Variants in BACE2 observed in about 807,000 individuals in gnomAD.
BACE2 encodes the protein beta-secretase 2, also known as 56 kDa aspartic-like protease.
In BACE2, 17 loss-of-function variants were observed where a neutral mutation model predicts 46.2. The observed-to-expected ratio is 0.37, with a 90% CI of 0.25 to 0.55. The LOEUF is 0.55. BACE2 is among the 20% of genes least tolerant of loss of function. The pLI, the probability that BACE2 is intolerant of heterozygous loss-of-function variation, is 0.82. For missense variants in BACE2, 595 were observed against 698.1 expected (o/e 0.85, Z 1.66); for synonymous variants, 277 against 295.9 (o/e 0.94, Z 0.66).
chr21:41,168,724 G>C, intron 1 of BACE2, 149 bp downstream of exon 1: 2 of 496,598 alleles, frequency 4.0e-6, no homozygotes, highest in Non-Finnish European at 6.2e-6. Flanking sequence ...GCTCGGGTGG[G>C]CCGGGGAGCG....
At chr21:41,178,922 G>A in intron 1 of BACE2, 1 of 371,088 alleles carries the variant, frequency 2.7e-6, no homozygotes, top group Non-Finnish European at 4.8e-6. Flanking sequence ...AGGGGTATTG[G>A]TGAAAGAATC....
intron 1 of BACE2, among the ~76,000 whole-genome samples, chr21:41,222,398 G>A (rs1279655125): frequency 6.6e-6 from 1 of 152,228 alleles, no homozygotes; most frequent in Non-Finnish European, 1.5e-5. Context: ...AAGCCTGGAA[G>A]GGAGCGATGG....
At chr21:41,273,462 C>A (rs2088454098) in intron 8 of BACE2, among the ~76,000 whole-genome samples, 1 of 152,162 alleles carries the variant, frequency 6.6e-6, no homozygotes, top group Non-Finnish European at 1.5e-5. Context: ...CAGGGCTGTT[C>A]CTGCTGAGAA....
intron 1 of BACE2, chr21:41,183,924 T>C (rs1185646270): frequency 6.0e-6 from 1 of 167,062 alleles, no homozygotes; most frequent in East Asian, 1.9e-4. Flanking sequence ...TGTCTAGGCA[T>C]CCCAGATGCT....
chr21:41,207,133 T>G (rs867290717), intron 1 of BACE2, among the ~76,000 whole-genome samples: 2 of 152,352 alleles, frequency 1.3e-5, no homozygotes, highest in Middle Eastern at 6.8e-3. Context: ...TTATTCACAC[T>G]TCTTTAGAAA....
chr21:41,212,587 C>T (rs1986333923), intron 1 of BACE2, among the ~76,000 whole-genome samples: 1 of 152,208 alleles, frequency 6.6e-6, no homozygotes, highest in Non-Finnish European at 1.5e-5. Flanking sequence ...ATCTGGGGCT[C>T]AACCCCACCA....
At chr21:41,264,512 G>T (rs1337008163) in intron 8 of BACE2, among the ~76,000 whole-genome samples, 1 of 151,992 alleles carries the variant, frequency 6.6e-6, no homozygotes, top group African/African-American at 2.4e-5. Context: ...TCTGCTTCTC[G>T]GGAGGCCTCA....
At position 41,250,767 on chromosome 21, in the gene BACE2, G is replaced by C. The variant is rs751492488; in HGVS notation, c.1000G>C (p.Asp334His). 1 of 1,614,082 alleles carries C rather than the reference G, an allele frequency of 6.2e-7. No individual in the cohort carries two copies. Among genetic ancestry groups the C allele is most frequent in the Non-Finnish European group, 8.5e-7 (1 of 1,180,012 alleles). The change falls in exon 7 of 9, where the codon GAT (aspartate) becomes CAT (histidine). Residue 334 changes from aspartate (D) to histidine (H), a missense_variant. Coordinates refer to ENST00000330333, the MANE Select transcript of BACE2 (RefSeq NM_012105.5). Reference sequence around the variant, plus strand: ...TTTTGTCTAGATTCCAGAATTCTCTGATGGTTTCTGGACTGGGTCCCAGCT... The same window carrying C: ...TTTTGTCTAGATTCCAGAATTCTCTCATGGTTTCTGGACTGGGTCCCAGCT... ...ARASLIPEFS[D>H]GFWTGSQLAC...
At chr21:41,271,575 C>A (rs1342078932) in intron 8 of BACE2, among the ~76,000 whole-genome samples, 9 of 151,982 alleles carry the variant, frequency 5.9e-5, no homozygotes, top group African/African-American at 2.2e-4. Flanking sequence ...TCCCTTTTTT[C>A]CTTTTTTGCT....
chr21:41,235,476 G>A (rs550430014), intron 2 of BACE2, among the ~76,000 whole-genome samples: 1 of 152,300 alleles, frequency 6.6e-6, no homozygotes, highest in East Asian at 1.9e-4. Flanking sequence ...CAGATTCTCA[G>A]AAGTGCAGTT....
rs1462532976 is a variant in BACE2, at chr21:41,275,701, G to A, written c.*77G>A. The A allele has an allele frequency of 1.1e-5, 17 of 1,547,592 alleles. No individual in the cohort carries two copies. The highest frequency in any genetic ancestry group is 1.1e-4 in the South Asian group (9 of 82,462). ...CATTTCCAGGGCAGCAGCCGGGATCGATGGTGGCGCTTTCTCCTGTGCCCA... is the reference window on the plus strand; with the variant it reads ...CATTTCCAGGGCAGCAGCCGGGATCAATGGTGGCGCTTTCTCCTGTGCCCA... On this transcript the variant is annotated 3_prime_UTR_variant, in exon 9 of 9. Coordinates refer to ENST00000330333, the MANE Select transcript of BACE2 (RefSeq NM_012105.5).
chr21:41,178,191 T>C (rs1432791832), intron 1 of BACE2: 1 of 151,856 alleles, frequency 6.6e-6, no homozygotes. Context: ...GGCCTAGGAG[T>C]TGCTGCCCAG....
chr21:41,267,312 A>C (rs554640798), intron 8 of BACE2, among the ~76,000 whole-genome samples: 2 of 152,218 alleles, frequency 1.3e-5, no homozygotes, highest in Non-Finnish European at 2.9e-5. Context: ...CATATCTGAC[A>C]TGGATACTAG....
chr21:41,247,894 G>T (rs895942826), intron 6 of BACE2, among the ~76,000 whole-genome samples: 8 of 152,208 alleles, frequency 5.3e-5, no homozygotes, highest in Admixed American at 1.3e-4. Context: ...GACCAAAGCT[G>T]TGTTTGTTTT....
At chr21:41,197,266 G>GTTTTTTT (rs57910664) in intron 1 of BACE2, among the ~76,000 whole-genome samples, 1 of 144,682 alleles carries the variant, frequency 6.9e-6, no homozygotes, top group Non-Finnish European at 1.5e-5. Context: ...AGCCAGCCAG[G>GTTTTTTT]TTTTTTTTGT....
At chr21:41,236,456 C>T (rs1204454569) in intron 2 of BACE2, among the ~76,000 whole-genome samples, 1 of 152,222 alleles carries the variant, frequency 6.6e-6, no homozygotes. Flanking sequence ...GCAGGACTTT[C>T]GTCTGATCTT....
chr21:41,191,961 T>C (rs1430573130), intron 1 of BACE2, among the ~76,000 whole-genome samples: 1 of 152,246 alleles, frequency 6.6e-6, no homozygotes, highest in African/African-American at 2.4e-5. Context: ...CCAATCATGC[T>C]TCTTCCAATT....
intron 1 of BACE2, among the ~76,000 whole-genome samples, chr21:41,189,498 T>C (rs1985493566): frequency 6.6e-6 from 1 of 152,248 alleles, no homozygotes; most frequent in South Asian, 2.1e-4. Context: ...TTCTTATATT[T>C]CTCTGAGAAA....
At chr21:41,248,862 T>C (rs1987553731) in intron 6 of BACE2, among the ~76,000 whole-genome samples, 1 of 152,144 alleles carries the variant, frequency 6.6e-6, no homozygotes, top group South Asian at 2.1e-4. Flanking sequence ...TCTGTCCCAT[T>C]TTCCTGTCTT....
Sources: allele counts gnomAD v4.1 joint callset (sites outside exome capture counted in the v4.1 genomes callset), GRCh38; gene constraint gnomAD v4.1.1; transcripts MANE v1.5; gene names NCBI Gene and HGNC (gene_info 2026-07-23, HGNC 2026-07-21).